The following ZNF385D variants were observed in gnomAD, a reference collection of about 807,000 sequenced individuals.
The protein encoded by ZNF385D is zinc finger protein 385D, also known as zinc finger protein 659.
ZNF385D carries 15 observed loss-of-function variants against 35.8 expected under a neutral mutation model. The ratio of observed to expected loss-of-function variants is 0.42; its 90% confidence interval spans 0.28 to 0.64. The LOEUF (loss-of-function observed/expected upper bound fraction) is 0.64. ZNF385D is among the 30% of genes least tolerant of loss of function. The pLI is 0.23. For synonymous variants in ZNF385D, 212 were observed against 186.8 expected, an observed-to-expected ratio of 1.13 and a Z score of -1.10; for missense variants, 474 against 494.6, an observed-to-expected ratio of 0.96 and a Z score of 0.39.
intron 3 of ZNF385D, among the ~76,000 whole-genome samples, chr3:22,060,839 T>G (rs2125541058): frequency 6.6e-6 from 1 of 152,204 alleles, no homozygotes; most frequent in South Asian, 2.1e-4. Flanking sequence ...AAAGAAAGTT[T>G]TGCAGTTTAG....
At chr3:22,020,067 TA>T (rs1264298249) in intron 3 of ZNF385D, among the ~76,000 whole-genome samples, 2 of 151,874 alleles carry the variant, frequency 1.3e-5, no homozygotes, top group Non-Finnish European at 2.9e-5. Context: ...TTCATACAAT[TA>T]AAAAATGTAA....
At chr3:21,433,042 G>A (rs1016853186) in intron 5 of ZNF385D, among the ~76,000 whole-genome samples, 10 of 152,082 alleles carry the variant, frequency 6.6e-5, no homozygotes, top group Admixed American at 2.6e-4. Flanking sequence ...CAGAGAAAGA[G>A]AAAGAGAGAT....
At chr3:21,803,484 C>T (rs1229386935) in intron 3 of ZNF385D, among the ~76,000 whole-genome samples, 1 of 151,952 alleles carries the variant, frequency 6.6e-6, no homozygotes, top group East Asian at 1.9e-4. Flanking sequence ...ATAACTAAGC[C>T]TAAATATTCT....
chr3:21,978,974 A>C (rs192058173), intron 3 of ZNF385D, among the ~76,000 whole-genome samples: 41 of 152,330 alleles, frequency 2.7e-4, no homozygotes, highest in Non-Finnish European at 5.6e-4. Context: ...TTTAAATTTG[A>C]AAGCTTATTT....
At chr3:21,864,469 C>T (rs1697225146) in intron 3 of ZNF385D, among the ~76,000 whole-genome samples, 1 of 152,076 alleles carries the variant, frequency 6.6e-6, no homozygotes, top group Admixed American at 6.6e-5. Context: ...GTTCCTTAAT[C>T]ACTATGAACC....
intron 2 of ZNF385D, among the ~76,000 whole-genome samples, chr3:22,304,994 T>G (rs1703126716): frequency 6.6e-6 from 1 of 152,148 alleles, no homozygotes; most frequent in African/African-American, 2.4e-5. Context: ...AATTTTGCTT[T>G]TTATTATATC....
chr3:21,652,041 CA>C (rs2065932160), intron 2 of ZNF385D, among the ~76,000 whole-genome samples: 1 of 152,120 alleles, frequency 6.6e-6, no homozygotes, highest in Non-Finnish European at 1.5e-5. Context: ...ATATAAGCAG[CA>C]ATTAATAAAA....
chr3:21,608,145 G>T (rs960469247), intron 2 of ZNF385D, among the ~76,000 whole-genome samples: 13 of 151,698 alleles, frequency 8.6e-5, no homozygotes, highest in Non-Finnish European at 1.8e-4. Context: ...GAGTAGCTGG[G>T]ATTACAGGCA....
chr3:22,203,808 C>T (rs1257741004), intron 2 of ZNF385D, among the ~76,000 whole-genome samples: 1 of 152,144 alleles, frequency 6.6e-6, no homozygotes, highest in Non-Finnish European at 1.5e-5. Context: ...TCAGTATTAG[C>T]TCAGTCGCAG....
intron 2 of ZNF385D, among the ~76,000 whole-genome samples, chr3:21,623,154 A>G (rs1220069297): frequency 6.6e-6 from 1 of 152,094 alleles, no homozygotes; most frequent in Non-Finnish European, 1.5e-5. Context: ...TGTAAAGAAT[A>G]CAAAGCACCT....
At chr3:21,605,464 T>C (rs2064450653) in intron 2 of ZNF385D, among the ~76,000 whole-genome samples, 1 of 152,166 alleles carries the variant, frequency 6.6e-6, no homozygotes, top group African/African-American at 2.4e-5. Flanking sequence ...GGACCTCGTG[T>C]AGGGAACTAA....
chr3:22,278,290 G>C (rs775905100), intron 2 of ZNF385D, among the ~76,000 whole-genome samples: 2 of 152,090 alleles, frequency 1.3e-5, no homozygotes, highest in African/African-American at 4.8e-5. Flanking sequence ...GTCACCGAGT[G>C]TATCATTGTG....
intron 4 of ZNF385D, among the ~76,000 whole-genome samples, chr3:21,484,620 A>T (rs1026824647): frequency 1.3e-5 from 2 of 152,150 alleles, no homozygotes; most frequent in Non-Finnish European, 2.9e-5. Context: ...CAGTTTTACC[A>T]GTGCCCTTTG....
At chr3:21,621,867 G>T (rs946855567) in intron 2 of ZNF385D, among the ~76,000 whole-genome samples, 4 of 47,058 alleles carry the variant, frequency 8.5e-5, no homozygotes, top group Non-Finnish European at 1.6e-4. Flanking sequence ...TGTTACCACT[G>T]TGTGTGTGTG....
chr3:22,101,925 G>C (rs908175211), intron 3 of ZNF385D, among the ~76,000 whole-genome samples: 2 of 151,494 alleles, frequency 1.3e-5, no homozygotes, highest in Non-Finnish European at 1.5e-5. Context: ...AACAGAGTAA[G>C]TTAGTGGACA....
intron 3 of ZNF385D, chr3:22,133,465 A>G (rs1366808359): frequency 6.6e-6 from 1 of 152,112 alleles, no homozygotes; most frequent in Non-Finnish European, 1.5e-5. Flanking sequence ...ATATCAAAAA[A>G]ACTGCTATAA....
chr3:21,857,235 A>G (rs925661900), intron 3 of ZNF385D, among the ~76,000 whole-genome samples: 4 of 152,152 alleles, frequency 2.6e-5, no homozygotes, highest in Admixed American at 2.6e-4. Flanking sequence ...TATTTTTTCT[A>G]TATTTTTATT....
At chr3:21,953,705 C>T (rs1404140058) in intron 3 of ZNF385D, among the ~76,000 whole-genome samples, 1 of 151,952 alleles carries the variant, frequency 6.6e-6, no homozygotes, top group Admixed American at 6.6e-5. Flanking sequence ...AATACTATAA[C>T]CAGCCATCCA....
intron 2 of ZNF385D, among the ~76,000 whole-genome samples, chr3:22,342,590 C>T (rs548224415): frequency 2.0e-3 from 300 of 152,244 alleles, no homozygotes; most frequent in Non-Finnish European, 3.1e-3. Flanking sequence ...CACATCTCTG[C>T]AGAAGGTTAG....
Sources: gnomAD v4.1 joint callset for allele counts (sites outside exome capture counted in the v4.1 genomes callset) on GRCh38, gnomAD v4.1.1 for gene constraint, MANE v1.5 for transcripts, NCBI Gene and HGNC (gene_info 2026-07-23, HGNC 2026-07-21) for gene names.